The following SYAP1 variants were observed in gnomAD, a reference collection of about 807,000 sequenced individuals.
SYAP1 encodes the protein synapse associated protein 1.
SYAP1 carries 3 observed loss-of-function variants against 29.6 expected under a neutral mutation model. That is an observed-to-expected ratio of 0.10 (90% confidence interval 0.05 to 0.26). SYAP1 has a LOEUF of 0.26. Among genes scored for constraint, SYAP1 ranks in the 10% least tolerant of loss-of-function variants. The pLI is 1.00. For missense variants in SYAP1, 217 were observed against 264.1 expected (o/e 0.82, Z 1.24); for synonymous variants, 102 against 102.7 (o/e 0.99, Z 0.04).
chrX:16,721,777 T>C, intron 1 of SYAP1, among the ~76,000 whole-genome samples: 1 of 110,880 alleles, frequency 9.0e-6, no homozygotes, highest in Non-Finnish European at 1.9e-5. Flanking sequence ...TCTCAAGTGA[T>C]TCACCCACCT....
chrX:16,759,308 T>G (rs540304288), intron 8 of SYAP1, among the ~76,000 whole-genome samples: 7 of 108,799 alleles, frequency 6.4e-5, no homozygotes, highest in African/African-American at 2.3e-4. Context: ...GAGGTTGCAG[T>G]GAGCCGAGAC....
intron 1 of SYAP1, among the ~76,000 whole-genome samples, chrX:16,724,460 C>G (rs759571212): frequency 8.0e-5 from 9 of 111,958 alleles, no homozygotes; most frequent in Non-Finnish European, 1.5e-4. Flanking sequence ...TCCCGGACAC[C>G]CAGCCAGTGG....
intron 5 of SYAP1, among the ~76,000 whole-genome samples, chrX:16,750,232 T>A (rs1003551054): frequency 3.6e-5 from 4 of 111,873 alleles, no homozygotes; most frequent in African/African-American, 1.3e-4. Context: ...AGCCGAAGAT[T>A]TCATGAGCTC....
intron 5 of SYAP1, among the ~76,000 whole-genome samples, chrX:16,746,158 A>C: frequency 1.1e-5 from 1 of 92,375 alleles, no homozygotes; most frequent in African/African-American, 4.0e-5. Flanking sequence ...CCCTCCCATA[A>C]GAAAAGTATG....
At chrX:16,741,583 T>G in intron 3 of SYAP1, 133 bp from the exon 4 acceptor site, 1 of 444,012 alleles carries the variant, frequency 2.3e-6, no homozygotes, top group Non-Finnish European at 4.0e-6. Context: ...AATGTTCATA[T>G]TTGGAACTTA....
intron 5 of SYAP1, among the ~76,000 whole-genome samples, chrX:16,746,627 G>T (rs1442290232): frequency 2.7e-5 from 3 of 111,528 alleles, no homozygotes; most frequent in Non-Finnish European, 3.8e-5. Flanking sequence ...TTGTCACCCA[G>T]GGTGGAGTCC....
rs759191594 is a variant in SYAP1, at chrX:16,736,940, C to T, written c.361+708C>T. ...AGAGCTTCCGAGGGAGGCGAGTGAC[C>T]GCACCTGCAGTGACAGAGGGCCGTA... On this transcript the variant is annotated intron_variant, in intron 3 of 8. Transcript: ENST00000380155. Among the ~76,000 whole-genome samples, 4 of 111,436 alleles carry T rather than the reference C, an allele frequency of 3.6e-5. No individual in the cohort carries two copies. The South Asian group carries it at 1.5e-3, about 42-fold the overall frequency.
chrX:16,722,529 C>CAA lies in SYAP1; in HGVS notation c.175+2646_175+2647dup, dbSNP rs753851782. On this transcript the variant is annotated intron_variant, in intron 1 of 8. Transcript: ENST00000380155. ...GGTGACAAAGTGAGACTGCATCTCA[C>CAA]AAAAAAAAAAAAAAAAATCTCCTGG... Among the ~76,000 whole-genome samples the CAA allele has an allele frequency of 8.2e-3, 539 of 65,875 alleles. 5 individuals are homozygous for CAA. The highest frequency in any genetic ancestry group is 0.029 in the African/African-American group (514 of 17,882). 57.2% of individuals were successfully genotyped at this position (65,875 alleles called of 115,157 possible).
chrX:16,740,342 CTTTT>C (rs57231597), intron 3 of SYAP1, among the ~76,000 whole-genome samples: 6 of 90,422 alleles, frequency 6.6e-5, no homozygotes, highest in Admixed American at 1.3e-4. Context: ...TTGTGCATTT[CTTTT>C]TTTTTTTTTT....
In SYAP1 at chrX:16,761,669, C is replaced by T. The variant is rs1361239061; in HGVS notation, c.*1310C>T. On this transcript the variant is annotated 3_prime_UTR_variant, in exon 9 of 9. Coordinates refer to ENST00000380155, the MANE Select transcript of SYAP1 (RefSeq NM_032796.4). The stretch of plus-strand genomic sequence containing the variant: ...GCCTGGGTGACAGAGTGAGAGACTC[C>T]GTCTCAAAAATGAATGAATGAATGA... The T allele has an allele frequency of 3.7e-5, 4 of 107,292 alleles. No homozygotes were observed. Among genetic ancestry groups the T allele is most frequent in the Non-Finnish European group, 5.7e-5 (3 of 52,391 alleles). The allele number at this position is 107,292 out of a possible 1,213,427, so 8.8% of individuals were successfully genotyped here.
chrX:16,754,589 A>G (rs1232338414), intron 5 of SYAP1, among the ~76,000 whole-genome samples: 2 of 110,852 alleles, frequency 1.8e-5, no homozygotes, highest in African/African-American at 3.3e-5. Flanking sequence ...TTAGCTGTGC[A>G]TGGTGGCGGG....
chrX:16,742,853 G>T (rs983352702), intron 4 of SYAP1, among the ~76,000 whole-genome samples: 1 of 107,877 alleles, frequency 9.3e-6, no homozygotes, highest in Non-Finnish European at 1.9e-5. Context: ...GGCCTCAAGC[G>T]ATCCTCTTGC....
chrX:16,736,883 C>T (rs183001014), intron 3 of SYAP1, among the ~76,000 whole-genome samples: 38 of 111,772 alleles, frequency 3.4e-4, no homozygotes, highest in African/African-American at 1.2e-3. Flanking sequence ...AGTGGTGGCT[C>T]CGTTCCTGCT....
At chrX:16,751,221 G>C (rs1466076611) in intron 5 of SYAP1, among the ~76,000 whole-genome samples, 1 of 108,878 alleles carries the variant, frequency 9.2e-6, no homozygotes. Flanking sequence ...GGGAGGCCGA[G>C]GCGGGCAGAT....
rs1927035813 is a variant in SYAP1, at chrX:16,763,816, C to T, written c.*3457C>T. 1.8e-5 allele frequency: 2 copies of T among 109,776 alleles called. No individual in the cohort carries two copies. Among genetic ancestry groups the T allele is most frequent in the South Asian group, 7.6e-4 (2 of 2,617 alleles). 9.0% of individuals were successfully genotyped at this position (109,776 alleles called of 1,213,427 possible). On this transcript the variant is annotated 3_prime_UTR_variant, in exon 9 of 9. Coordinates refer to ENST00000380155, the MANE Select transcript of SYAP1 (RefSeq NM_032796.4). ...TTTCAGGACATTTAAAAGGTTTCAG[C>T]AGAAATCTTATGATTATGTCTGACT...
At chrX:16,736,505 T>A in intron 3 of SYAP1, 2 of 216,978 alleles carry the variant, frequency 9.2e-6, no homozygotes, top group Non-Finnish European at 1.7e-5. Context: ...TGACTTTCTC[T>A]TTTCTTTTCC....
Position 16,731,093 on chromosome X carries a change from T to C in SYAP1, c.176-4134T>C, listed in dbSNP as rs371664619. Among the ~76,000 whole-genome samples the C allele has an allele frequency of 1.7e-3, 196 of 112,197 alleles. 1 individual carries two copies. Among genetic ancestry groups the C allele is most frequent in the African/African-American group, 6.0e-3 (187 of 30,970 alleles). On this transcript the variant is annotated intron_variant, in intron 1 of 8. Transcript: ENST00000380155. Reference sequence around the variant, plus strand: ...TATATCTCTCTTATTTCCTGGTTTCTTTTACCATGTTTTATATATAACCTT... The same window carrying C: ...TATATCTCTCTTATTTCCTGGTTTCCTTTACCATGTTTTATATATAACCTT...
At position 16,741,708 on chromosome X, in the gene SYAP1, C is replaced by T; in HGVS notation, c.362-8C>T. 8.4e-7 allele frequency: 1 copy of T among 1,186,520 alleles called. No homozygotes were observed. The highest frequency in any genetic ancestry group is 1.1e-6 in the Non-Finnish European group (1 of 881,365). ...CTCTTTTCTTCTTTGCCATTAAAAA[C>T]TGTATAGAAGCAGCTGTGCCCCCAT... is the stretch of plus-strand genomic sequence containing the variant. On this transcript the variant is annotated splice_polypyrimidine_tract_variant and splice_region_variant and intron_variant, in intron 3 of 8. Coordinates refer to ENST00000380155, the MANE Select transcript of SYAP1 (RefSeq NM_032796.4).
chrX:16,724,944 C>T (rs1173179035), intron 1 of SYAP1, among the ~76,000 whole-genome samples: 2 of 111,448 alleles, frequency 1.8e-5, no homozygotes, highest in African/African-American at 3.3e-5. Flanking sequence ...CACATGGGCA[C>T]GCATCAAAAT....
Sources: gnomAD v4.1 joint callset for allele counts (sites outside exome capture counted in the v4.1 genomes callset) on GRCh38, gnomAD v4.1.1 for gene constraint, MANE v1.5 for transcripts, NCBI Gene and HGNC (gene_info 2026-07-23, HGNC 2026-07-21) for gene names.